Variants in DNAH14 observed in about 807,000 individuals in gnomAD.
DNAH14 encodes the protein dynein axonemal heavy chain 14.
In DNAH14, 478 loss-of-function variants were observed where a neutral mutation model predicts 520.9. The observed-to-expected ratio is 0.92, with a 90% CI of 0.85 to 0.99. The LOEUF is 0.99. DNAH14 is among the 50% of genes least tolerant of loss of function. The pLI is 0.00. For missense variants in DNAH14, 4,831 were observed against 5,234.5 expected (o/e 0.92, Z 2.38); for synonymous variants, 1,581 against 1,757.2 (o/e 0.90, Z 2.51).
intron 11 of DNAH14, among the ~76,000 whole-genome samples, chr1:225,026,039 A>G (rs987931133): frequency 2.0e-5 from 3 of 151,862 alleles, no homozygotes; most frequent in African/African-American, 7.3e-5. Context: ...TGTGTTTCTC[A>G]GACTTGTCTT....
intron 54 of DNAH14, among the ~76,000 whole-genome samples, chr1:225,284,862 A>G (rs1398997234): frequency 1.3e-5 from 2 of 152,202 alleles, no homozygotes; most frequent in Non-Finnish European, 2.9e-5. Flanking sequence ...CAATATATCT[A>G]TTAATGGAAT....
chr1:225,179,296 TTTC>T (rs1270770079), intron 36 of DNAH14, among the ~76,000 whole-genome samples: 1 of 152,224 alleles, frequency 6.6e-6, no homozygotes, highest in Non-Finnish European at 1.5e-5. Context: ...CCTCTTTTCC[TTTC>T]TTCTTTTCTT....
chr1:225,094,563 G>A, intron 21 of DNAH14, among the ~76,000 whole-genome samples: 1 of 147,166 alleles, frequency 6.8e-6, no homozygotes, highest in Non-Finnish European at 1.5e-5. Flanking sequence ...AGGGGCCAAG[G>A]CAAAGATTTC....
Position 225,320,243 on chromosome 1 carries a change from A to C in DNAH14, c.9335+1566A>C, listed in dbSNP as rs1414250675. On this transcript the variant is annotated intron_variant, in intron 61 of 85. Transcript: ENST00000682510. ...CTGTGCCTGAGCTTCCCTTTTGTGC[A>C]ACAGTGATTGCAGATGTTGAAAGGA... Among the ~76,000 whole-genome samples, 3 of 152,316 alleles carry C rather than the reference A, an allele frequency of 2.0e-5. No homozygotes were observed. In the East Asian group the frequency reaches 5.8e-4, roughly 29 times the overall value.
chr1:225,130,442 G>A (rs112595465), intron 27 of DNAH14, among the ~76,000 whole-genome samples: 6,357 of 151,980 alleles, frequency 0.042, 217 homozygotes, highest in Non-Finnish European at 0.062. Context: ...ATGATAGACC[G>A]AATTAAGAAA....
chr1:225,027,813 A>G (rs895804609), intron 11 of DNAH14, among the ~76,000 whole-genome samples: 8 of 151,764 alleles, frequency 5.3e-5, no homozygotes, highest in African/African-American at 1.7e-4. Flanking sequence ...CCATATCACC[A>G]TCTATCTTTC....
At chr1:225,019,505 C>A (rs1207306529) in intron 10 of DNAH14, among the ~76,000 whole-genome samples, 2 of 152,160 alleles carry the variant, frequency 1.3e-5, no homozygotes, top group Admixed American at 1.3e-4. Flanking sequence ...CAGCATTAGA[C>A]ACATTGTTGA....
intron 1 of DNAH14, among the ~76,000 whole-genome samples, chr1:224,942,958 A>C (rs2059528298): frequency 6.6e-6 from 1 of 152,100 alleles, no homozygotes; most frequent in Non-Finnish European, 1.5e-5. Context: ...TATTGGTCTG[A>C]AATTCTCTTT....
At chr1:225,180,506 T>C (rs1453270070) in intron 36 of DNAH14, among the ~76,000 whole-genome samples, 1 of 152,178 alleles carries the variant, frequency 6.6e-6, no homozygotes, top group Non-Finnish European at 1.5e-5. Context: ...CTGCCATGTG[T>C]AGATGTAACA....
chr1:224,929,874 G>T, intron 1 of DNAH14, 39 bp downstream of exon 1: 1 of 627,716 alleles, frequency 1.6e-6, no homozygotes. Context: ...GGTCGGCAGA[G>T]CCTCGGCGGG....
intron 38 of DNAH14, among the ~76,000 whole-genome samples, chr1:225,195,388 G>C (rs1162261998): frequency 6.6e-6 from 1 of 151,984 alleles, no homozygotes; most frequent in Non-Finnish European, 1.5e-5. Flanking sequence ...ATTATCCTAA[G>C]CAAACTAACT....
intron 1 of DNAH14, among the ~76,000 whole-genome samples, chr1:224,939,886 A>G (rs1030270689): frequency 3.3e-5 from 5 of 152,122 alleles, no homozygotes; most frequent in Admixed American, 1.3e-4. Context: ...AGGTGACTGA[A>G]TCATGGAGGT....
At chr1:225,098,474 A>G (rs1435598763) in intron 22 of DNAH14, among the ~76,000 whole-genome samples, 2 of 152,222 alleles carry the variant, frequency 1.3e-5, no homozygotes, top group Non-Finnish European at 2.9e-5. Context: ...TGAAAGGCCT[A>G]TTATAGCAAT....
chr1:225,019,498 C>G (rs531826355), intron 10 of DNAH14, among the ~76,000 whole-genome samples: 2 of 152,260 alleles, frequency 1.3e-5, no homozygotes, highest in South Asian at 4.1e-4. Flanking sequence ...CCAATGACAG[C>G]ATTAGACACA....
intron 11 of DNAH14, among the ~76,000 whole-genome samples, chr1:225,036,739 G>C (rs1210898703): frequency 1.3e-5 from 2 of 152,152 alleles, no homozygotes; most frequent in Non-Finnish European, 2.9e-5. Context: ...TGTCTTGTCT[G>C]TGTTTTACTG....
chr1:224,975,406 C>T (rs1231421147), intron 8 of DNAH14, among the ~76,000 whole-genome samples: 3 of 151,902 alleles, frequency 2.0e-5, no homozygotes, highest in Non-Finnish European at 2.9e-5. Flanking sequence ...ATTTCAGAGC[C>T]TGTTATTGGT....
chr1:225,384,961 T>G (rs759851232), intron 81 of DNAH14, among the ~76,000 whole-genome samples: 19 of 152,164 alleles, frequency 1.2e-4, no homozygotes, highest in Admixed American at 2.6e-4. Flanking sequence ...CCAATGAACA[T>G]AGATGCAAAA....
intron 25 of DNAH14, among the ~76,000 whole-genome samples, chr1:225,118,901 A>G (rs540616446): frequency 4.6e-5 from 7 of 151,624 alleles, no homozygotes; most frequent in South Asian, 2.1e-4. Flanking sequence ...AAAAAAAAAA[A>G]AAAGAAAAGA....
At chr1:224,979,145 T>C (rs1315590993) in intron 8 of DNAH14, among the ~76,000 whole-genome samples, 1 of 152,072 alleles carries the variant, frequency 6.6e-6, no homozygotes, top group Non-Finnish European at 1.5e-5. Flanking sequence ...TGTTCCTTCA[T>C]AAAAAAAGCA....
Sources: allele counts gnomAD v4.1 joint callset (sites outside exome capture counted in the v4.1 genomes callset), GRCh38; gene constraint gnomAD v4.1.1; transcripts MANE v1.5; gene names NCBI Gene and HGNC (gene_info 2026-07-23, HGNC 2026-07-21).